IGF1R: variants seen among roughly 807,000 people sequenced by gnomAD.
IGF1R encodes insulin-like growth factor 1 receptor.
In IGF1R, 44 loss-of-function variants were observed where a neutral mutation model predicts 144.6. The observed-to-expected ratio is 0.30, with a 90% CI of 0.24 to 0.39. The LOEUF is 0.39. Among genes scored for constraint, IGF1R ranks in the 10% least tolerant of loss-of-function variants. IGF1R has a pLI of 1.00. For missense variants in IGF1R, 1,355 were observed against 1,833.7 expected (o/e 0.74, Z 4.77); for synonymous variants, 795 against 722.8 (o/e 1.10, Z -1.60).
At position 98,896,761 on chromosome 15, in the gene IGF1R, T is replaced by C. The variant is rs2014219815; in HGVS notation, c.958T>C (p.Tyr320His). The C allele has an allele frequency of 6.2e-7, 1 of 1,614,096 alleles. No individual in the cohort carries two copies. Reference protein sequence around the residue: ...GFIRNGSQSMYCIPCEGPCPK... With the variant: ...GFIRNGSQSMHCIPCEGPCPK... ...TTTTTTTTTCTTCTTCAACAGCATG[T>C]ACTGCATCCCTTGTGAAGGTCCTTG... is the stretch of plus-strand genomic sequence containing the variant. Residue 320 changes from tyrosine (Y) to histidine (H), a missense_variant, in exon 4 of 21, where the codon TAC (tyrosine) becomes CAC (histidine). By Grantham distance (83) the Tyr-to-His change is moderately conservative. Around this residue, in one of 7 missense-constraint regions of IGF1R, gnomAD observed 880 missense variants for 1,202.7 expected, o/e 0.73. Coordinates refer to ENST00000650285, the MANE Select transcript of IGF1R (RefSeq NM_000875.5).
chr15:98,650,843 C>G (rs1231990540), intron 1 of IGF1R: 15 of 935,794 alleles, frequency 1.6e-5, no homozygotes, highest in Non-Finnish European at 1.9e-5. Context: ...CATTCGCTGT[C>G]TTTTGCAATC....
rs1815009 is a variant in IGF1R, at chr15:98,961,442, C to T, written c.*4000C>T. ...CTTGGCTTGTGTGATGGTGCAGTCACTTTACTGGACCAACCCACCCACCTT... is the reference window on the plus strand; with the variant it reads ...CTTGGCTTGTGTGATGGTGCAGTCATTTTACTGGACCAACCCACCCACCTT... On this transcript the variant is annotated 3_prime_UTR_variant, in exon 21 of 21. Coordinates refer to ENST00000650285, the MANE Select transcript of IGF1R (RefSeq NM_000875.5). 0.67 allele frequency: 156,337 copies of T among 233,136 alleles called. 53,938 individuals carry two copies. The highest frequency in any genetic ancestry group is 0.75 in the Non-Finnish European group (88,611 of 117,948). The allele number at this position is 233,136 out of a possible 1,614,324, so 14.4% of individuals were successfully genotyped here. A position where few individuals can be genotyped will look rare whatever the true frequency, so the allele number is the denominator to read the frequency against.
At chr15:98,863,454 A>G (rs2012267505) in intron 2 of IGF1R, among the ~76,000 whole-genome samples, 1 of 152,204 alleles carries the variant, frequency 6.6e-6, no homozygotes, top group Non-Finnish European at 1.5e-5. Flanking sequence ...CACTAATTTT[A>G]ACATCCATTA....
At chr15:98,669,803 G>A (rs985428025) in intron 1 of IGF1R, among the ~76,000 whole-genome samples, 1 of 152,208 alleles carries the variant, frequency 6.6e-6, no homozygotes, top group African/African-American at 2.4e-5. Context: ...GAGGCTGTCT[G>A]CCTGGCAAGG....
At chr15:98,660,292 T>G (rs565999402) in intron 1 of IGF1R, 1 of 152,310 alleles carries the variant, frequency 6.6e-6, no homozygotes, top group South Asian at 2.1e-4. Context: ...GCAAGCTCCT[T>G]TAAGAGTTAG....
At chr15:98,764,096 A>AC (rs1388220107) in intron 2 of IGF1R, among the ~76,000 whole-genome samples, 1 of 152,198 alleles carries the variant, frequency 6.6e-6, no homozygotes, top group East Asian at 1.9e-4. Context: ...CAATAAATAG[A>AC]CATTTAGTTT....
chr15:98,836,345 T>C (rs1235951108), intron 2 of IGF1R, among the ~76,000 whole-genome samples: 1 of 151,700 alleles, frequency 6.6e-6, no homozygotes, highest in African/African-American at 2.4e-5. Context: ...GCTGTGAGAC[T>C]ATCTCTACAA....
intron 1 of IGF1R, among the ~76,000 whole-genome samples, chr15:98,663,661 C>G (rs2052654001): frequency 6.6e-6 from 1 of 152,198 alleles, no homozygotes; most frequent in East Asian, 1.9e-4. Context: ...GAGACTGACC[C>G]CTGCCTTTTT....
intron 2 of IGF1R, among the ~76,000 whole-genome samples, chr15:98,711,652 T>C (rs2053996690): frequency 6.6e-6 from 1 of 152,178 alleles, no homozygotes; most frequent in Admixed American, 6.5e-5. Context: ...GTGGTGTGGT[T>C]GATTCTTCTT....
intron 2 of IGF1R, among the ~76,000 whole-genome samples, chr15:98,725,323 AAAAC>A (rs2054332488): frequency 6.6e-6 from 1 of 152,230 alleles, no homozygotes; most frequent in Admixed American, 6.5e-5. Flanking sequence ...AACAAAAACA[AAAAC>A]ACACAAAAAA....
rs1396846075 is a variant in IGF1R, at chr15:98,963,485, T to C, written c.*6043T>C. 6.9e-5 allele frequency: 16 copies of C among 233,196 alleles called. No homozygotes were observed. The highest frequency in any genetic ancestry group is 4.5e-4 in the Admixed American group (8 of 17,790). The allele number at this position is 233,196 out of a possible 1,614,324, so 14.4% of individuals were successfully genotyped here. A position where few individuals can be genotyped will look rare whatever the true frequency, so the allele number is the denominator to read the frequency against. ...ACTTTAACAGATGGAAAGAACCTCA[T>C]TGGCCATGGAAACAGCCGAGGTGTT... is the stretch of plus-strand genomic sequence containing the variant. On this transcript the variant is annotated 3_prime_UTR_variant, in exon 21 of 21. Coordinates refer to ENST00000650285, the MANE Select transcript of IGF1R (RefSeq NM_000875.5).
In IGF1R at chr15:98,834,974, G is replaced by A. The variant is rs929838436; in HGVS notation, c.641-56351G>A. ...TGCTTCTCTATGTTTGTAAGATGGC[G>A]AGTGTTGAGATGTCTTATAGGCTTA... On this transcript the variant is annotated intron_variant, in intron 2 of 20. Coordinates refer to ENST00000650285, the MANE Select transcript of IGF1R (RefSeq NM_000875.5). Among the ~76,000 whole-genome samples the A allele has an allele frequency of 6.6e-5, 10 of 152,092 alleles. No individual in the cohort carries two copies. The South Asian group carries it at 1.2e-3, about 19-fold the overall frequency.
intron 10 of IGF1R, 98 bp downstream of exon 10, chr15:98,916,974 G>A (rs756193942): frequency 2.9e-6 from 3 of 1,035,066 alleles, no homozygotes; most frequent in Non-Finnish European, 4.5e-6. Context: ...TCAGCAGCTG[G>A]GGGGTACAAT....
At chr15:98,739,907 T>C (rs1472121211) in intron 2 of IGF1R, among the ~76,000 whole-genome samples, 2 of 152,170 alleles carry the variant, frequency 1.3e-5, no homozygotes, top group Non-Finnish European at 2.9e-5. Flanking sequence ...TAAGAAAATA[T>C]TAAACTTAGG....
At chr15:98,949,339 A>C (rs187740308) in intron 20 of IGF1R, among the ~76,000 whole-genome samples, 1 of 150,914 alleles carries the variant, frequency 6.6e-6, no homozygotes, top group Admixed American at 6.6e-5. Flanking sequence ...CCCTGCGGAC[A>C]GAAGGATGCC....
intron 1 of IGF1R, among the ~76,000 whole-genome samples, chr15:98,657,258 C>T (rs541767661): frequency 6.6e-6 from 1 of 152,318 alleles, no homozygotes; most frequent in African/African-American, 2.4e-5. Flanking sequence ...TCCCCAAATT[C>T]AAAGCGTCTT....
intron 2 of IGF1R, among the ~76,000 whole-genome samples, chr15:98,764,730 C>T (rs1042249427): frequency 8.5e-5 from 13 of 152,134 alleles, no homozygotes; most frequent in African/African-American, 3.1e-4. Flanking sequence ...CCTGTGTTTT[C>T]AGAGAAAACA....
intron 18 of IGF1R, 43 bp downstream of exon 18, chr15:98,939,403 G>C: frequency 6.2e-7 from 1 of 1,600,910 alleles, no homozygotes; most frequent in Non-Finnish European, 8.6e-7. Context: ...ACTAAACTCA[G>C]GTGTTTTGAG....
chr15:98,676,373 C>T (rs1195381890), intron 1 of IGF1R, among the ~76,000 whole-genome samples: 5 of 151,758 alleles, frequency 3.3e-5, no homozygotes, highest in Admixed American at 1.3e-4. Context: ...CCTGACCTTG[C>T]GATCCGCCTG....
Sources: allele counts gnomAD v4.1 joint callset (sites outside exome capture counted in the v4.1 genomes callset), GRCh38; gene constraint gnomAD v4.1.1; regional missense constraint gnomAD v4.1.1; transcripts MANE v1.5; gene names NCBI Gene and HGNC (gene_info 2026-07-23, HGNC 2026-07-21).